Variants in MYCBP2 observed in about 807,000 individuals in gnomAD.
MYCBP2 encodes the protein E3 ubiquitin-protein ligase MYCBP2.
In MYCBP2, 120 loss-of-function variants were observed where a neutral mutation model predicts 525.3. The ratio of observed to expected loss-of-function variants is 0.23; its 90% CI spans 0.20 to 0.27. The LOEUF (loss-of-function observed/expected upper bound fraction) is 0.27. Ranked by LOEUF, MYCBP2 falls within the 10% of genes least tolerant of loss-of-function variation. The pLI is 1.00. For missense variants in MYCBP2, 4,149 were observed against 5,657.1 expected (o/e 0.73, Z 8.55); for synonymous variants, 1,894 against 1,955.8 (o/e 0.97, Z 0.83).
intron 68 of MYCBP2, among the ~76,000 whole-genome samples, chr13:77,071,106 T>A (rs1426592963): frequency 6.6e-6 from 1 of 152,074 alleles, no homozygotes; most frequent in African/African-American, 2.4e-5. Flanking sequence ...GATAGTGGTC[T>A]TAAATTAAGC....
intron 3 of MYCBP2, among the ~76,000 whole-genome samples, chr13:77,284,900 G>A (rs1487020800): frequency 6.6e-6 from 1 of 152,140 alleles, no homozygotes; most frequent in Non-Finnish European, 1.5e-5. Context: ...ATAACTTCCA[G>A]TGTCACATAG....
chr13:77,232,215 CA>C (rs895707115), intron 18 of MYCBP2, among the ~76,000 whole-genome samples: 5 of 150,878 alleles, frequency 3.3e-5, no homozygotes, highest in African/African-American at 1.2e-4. Flanking sequence ...AATTTTGCAG[CA>C]AAAAAAAGAA....
At chr13:77,295,414 G>A (rs533874256) in intron 2 of MYCBP2, among the ~76,000 whole-genome samples, 2 of 152,318 alleles carry the variant, frequency 1.3e-5, no homozygotes, top group Admixed American at 6.5e-5. Flanking sequence ...TTACAGGCGT[G>A]AGCCACTGCA....
intron 18 of MYCBP2, among the ~76,000 whole-genome samples, chr13:77,227,463 T>TACACACAC (rs1231980266): frequency 8.4e-6 from 1 of 118,708 alleles, no homozygotes; most frequent in Non-Finnish European, 1.7e-5. Flanking sequence ...TGCAAAAGCC[T>TACACACAC]ACACACACAC....
intron 50 of MYCBP2, 39 bp downstream of exon 50, chr13:77,140,807 A>C (rs781771849): frequency 6.8e-7 from 1 of 1,476,108 alleles, no homozygotes; most frequent in Non-Finnish European, 9.3e-7. Flanking sequence ...CAAACGTAAA[A>C]ATTGAATGAT....
intron 55 of MYCBP2, among the ~76,000 whole-genome samples, chr13:77,110,924 T>A (rs891546659): frequency 1.3e-5 from 2 of 152,172 alleles, no homozygotes; most frequent in Admixed American, 6.5e-5. Context: ...CACTTGAAAT[T>A]ATGCCATCAT....
intron 71 of MYCBP2, among the ~76,000 whole-genome samples, chr13:77,066,293 T>G (rs2040185728): frequency 6.6e-6 from 1 of 152,228 alleles, no homozygotes; most frequent in Non-Finnish European, 1.5e-5. Flanking sequence ...TTTCAAGTAT[T>G]TCTCTGTTTG....
chr13:77,262,125 T>G lies in MYCBP2; in HGVS notation c.1575A>C (p.Thr525=). The stretch of plus-strand genomic sequence containing the variant: ...GAATTGCTGACTCCTCATCAAATCC[T>G]GTACCTGAAATACGAGACTAATAAA... ...DLEKDLHIIS[T]GFDEESAILG... Residue 525 remains threonine (T), a synonymous_variant, in exon 11 of 83, where the codon ACA becomes ACC. Transcript: ENST00000544440. 6.2e-7 allele frequency: 1 copy of G among 1,607,348 alleles called. No individual in the cohort carries two copies. Among genetic ancestry groups the G allele is most frequent in the Non-Finnish European group, 8.5e-7 (1 of 1,175,980 alleles).
chr13:77,202,937 C>T (rs2154270826), intron 26 of MYCBP2, among the ~76,000 whole-genome samples: 1 of 152,234 alleles, frequency 6.6e-6, no homozygotes, highest in South Asian at 2.1e-4. Context: ...CAGCCAGTAT[C>T]ATACTGAATG....
At chr13:77,117,779 T>C (rs950088099) in intron 55 of MYCBP2, among the ~76,000 whole-genome samples, 1 of 152,116 alleles carries the variant, frequency 6.6e-6, no homozygotes, top group Admixed American at 6.6e-5. Flanking sequence ...TTAAGTATAA[T>C]TTTTTTGGGT....
intron 3 of MYCBP2, among the ~76,000 whole-genome samples, chr13:77,286,634 T>C (rs2076801920): frequency 1.4e-5 from 2 of 147,282 alleles, no homozygotes; most frequent in Admixed American, 1.3e-4. Flanking sequence ...CAGGTGCCTG[T>C]AGTCCCAGCT....
chr13:77,190,149 T>C lies in MYCBP2; in HGVS notation c.4154+103A>G. ...TACCAGCATATTATAATTTGCTGAA[T>C]GCTTCAAATAATTTCTCCCTATTAT... On this transcript the variant is annotated intron_variant, in intron 29 of 82. Transcript: ENST00000544440. 3 of 603,576 alleles carry C rather than the reference T, an allele frequency of 5.0e-6. No individual in the cohort carries two copies. The South Asian group carries it at 8.2e-5, about 17-fold the overall frequency. 37.4% of individuals were successfully genotyped at this position (603,576 alleles called of 1,614,324 possible).
At chr13:77,122,458 T>G (rs1594734907) in intron 54 of MYCBP2, among the ~76,000 whole-genome samples, 1 of 152,016 alleles carries the variant, frequency 6.6e-6, no homozygotes, top group Non-Finnish European at 1.5e-5. Flanking sequence ...TCCCAGCACT[T>G]TGGGAGGCCA....
chr13:77,061,579 C>T, intron 75 of MYCBP2, 83 bp downstream of exon 75: 2 of 1,469,816 alleles, frequency 1.4e-6, no homozygotes, highest in South Asian at 1.3e-5. Context: ...CCACTTTTTC[C>T]CCCTACTACA....
Position 77,286,705 on chromosome 13 carries a change from G to A in MYCBP2, c.594+1456C>T, listed in dbSNP as rs1259578852. 4.4e-5 allele frequency among the ~76,000 whole-genome samples: 5 copies of A among 113,502 alleles called. No individual in the cohort carries two copies. The Admixed American group carries it at 5.4e-4, about 12-fold the overall frequency. 74.5% of individuals were successfully genotyped at this position (113,502 alleles called of 152,430 possible). On this transcript the variant is annotated intron_variant, in intron 3 of 82. Transcript: ENST00000544440. ...TGGGAGGCGGAGCTTGCAGTGAGCC[G>A]AGATGGCACCACTGCACTCCAGCCT...
intron 52 of MYCBP2, among the ~76,000 whole-genome samples, chr13:77,134,328 G>A (rs988714176): frequency 3.9e-5 from 6 of 152,024 alleles, no homozygotes; most frequent in African/African-American, 1.2e-4. Flanking sequence ...CCAGGAGTTC[G>A]AGAGCAGCCT....
chr13:77,215,559 G>C (rs929764572), intron 21 of MYCBP2, among the ~76,000 whole-genome samples: 2 of 152,194 alleles, frequency 1.3e-5, no homozygotes, highest in Non-Finnish European at 2.9e-5. Context: ...TGTGGGAATG[G>C]ATTGGAAGTA....
At chr13:77,284,878 C>T (rs563560794) in intron 3 of MYCBP2, among the ~76,000 whole-genome samples, 2 of 152,292 alleles carry the variant, frequency 1.3e-5, no homozygotes, top group South Asian at 2.1e-4. Flanking sequence ...AACTGAGGCA[C>T]GGATGTGTCA....
chr13:77,240,834 T>C (rs192099836), intron 17 of MYCBP2, among the ~76,000 whole-genome samples: 99 of 152,280 alleles, frequency 6.5e-4, no homozygotes, highest in African/African-American at 2.2e-3. Flanking sequence ...AGGTTCATAC[T>C]GAAGATTCCA....
Sources: gnomAD v4.1 joint callset for allele counts (sites outside exome capture counted in the v4.1 genomes callset) on GRCh38, gnomAD v4.1.1 for gene constraint, MANE v1.5 for transcripts, NCBI Gene and HGNC (gene_info 2026-07-23, HGNC 2026-07-21) for gene names.